The following CSMD1 variants were observed in gnomAD, a reference collection of about 807,000 sequenced individuals.
CSMD1 encodes CUB and Sushi multiple domains 1.
CSMD1 carries 213 observed loss-of-function variants against 417.5 expected under a neutral mutation model. That is an observed-to-expected ratio of 0.51 (90% CI 0.46 to 0.57). CSMD1 has a LOEUF of 0.57. Among genes scored for constraint, CSMD1 ranks in the 20% least tolerant of loss-of-function variants. CSMD1 has a pLI of 0.00. For synonymous variants in CSMD1, 2,862 were observed against 1,736.8 expected, an observed-to-expected ratio of 1.65 and a Z score of -16.11; for missense variants, 6,923 against 4,529.7, an observed-to-expected ratio of 1.53 and a Z score of -15.17.
intron 10 of CSMD1, among the ~76,000 whole-genome samples, chr8:3,506,994 T>C (rs1319373946): frequency 6.6e-6 from 1 of 152,222 alleles, no homozygotes; most frequent in Non-Finnish European, 1.5e-5. Flanking sequence ...GAGTTTCTAA[T>C]ATACATTTTC....
Position 3,223,798 on chromosome 8 carries a change from G to T in CSMD1, c.4415C>A (p.Pro1472His). The change falls in exon 28 of 70, where the codon CCT becomes CAT. Residue 1472 changes from proline (P) to histidine (H), a missense_variant. By Grantham distance (77) the Pro-to-His change is moderately conservative. Coordinates refer to ENST00000635120, the MANE Select transcript of CSMD1 (RefSeq NM_033225.6). ...ILSPNYPQPY[P>H]PGKECDWRVK... ...TCTCCAGTCACATTCCTTCCCAGGAGGATACGGCTGTGGGTAGTTGGGTGA... is the reference window on the plus strand; with the variant it reads ...TCTCCAGTCACATTCCTTCCCAGGATGATACGGCTGTGGGTAGTTGGGTGA... 3 of 1,613,908 alleles carry T rather than the reference G, an allele frequency of 1.9e-6. No homozygotes were observed. The highest frequency in any genetic ancestry group is 2.5e-6 in the Non-Finnish European group (3 of 1,179,832).
intron 50 of CSMD1, among the ~76,000 whole-genome samples, chr8:3,031,940 T>C (rs982177289): frequency 1.3e-5 from 2 of 150,248 alleles, no homozygotes; most frequent in African/African-American, 4.9e-5. Context: ...GTATAGTGAC[T>C]GACAAATTAG....
chr8:3,814,979 G>A (rs148045479), intron 5 of CSMD1, among the ~76,000 whole-genome samples: 58 of 152,260 alleles, frequency 3.8e-4, no homozygotes, highest in African/African-American at 1.3e-3. Flanking sequence ...ACAATCATCT[G>A]CATAATAATT....
At chr8:3,136,726 G>A (rs1818121430) in intron 41 of CSMD1, among the ~76,000 whole-genome samples, 1 of 152,054 alleles carries the variant, frequency 6.6e-6, no homozygotes, top group African/African-American at 2.4e-5. Context: ...GGTAATCCTT[G>A]GGGTCATGTT....
chr8:4,130,360 G>T (rs529284975), intron 3 of CSMD1, among the ~76,000 whole-genome samples: 2 of 152,102 alleles, frequency 1.3e-5, no homozygotes, highest in Non-Finnish European at 2.9e-5. Context: ...AATGGAAGTG[G>T]AATTTGATCC....
intron 5 of CSMD1, among the ~76,000 whole-genome samples, chr8:3,839,083 T>C (rs1563132697): frequency 1.7e-5 from 2 of 119,618 alleles, no homozygotes; most frequent in African/African-American, 6.1e-5. Context: ...GCCTAGGCTA[T>C]ATATAATATA....
intron 6 of CSMD1, among the ~76,000 whole-genome samples, chr8:3,724,204 T>C (rs1290255844): frequency 6.7e-6 from 1 of 149,718 alleles, no homozygotes; most frequent in African/African-American, 2.5e-5. Flanking sequence ...ACTTTTTTTT[T>C]TTTATTATTA....
At chr8:4,020,597 G>A (rs561316202) in intron 4 of CSMD1, among the ~76,000 whole-genome samples, 1 of 152,086 alleles carries the variant, frequency 6.6e-6, no homozygotes, top group Admixed American at 6.6e-5. Context: ...ATTCTCTTAT[G>A]GTAAGAGATC....
intron 1 of CSMD1, among the ~76,000 whole-genome samples, chr8:4,810,920 G>A (rs1027837616): frequency 2.0e-5 from 3 of 152,138 alleles, no homozygotes; most frequent in Admixed American, 2.0e-4. Context: ...TACCTCTCCT[G>A]AAATATGAGA....
chr8:4,692,014 G>T (rs1806798613), intron 1 of CSMD1, among the ~76,000 whole-genome samples: 1 of 152,182 alleles, frequency 6.6e-6, no homozygotes, highest in Non-Finnish European at 1.5e-5. Flanking sequence ...CTCTTGTACA[G>T]CAGAGCTCAG....
intron 5 of CSMD1, among the ~76,000 whole-genome samples, chr8:3,791,686 G>A (rs571698453): frequency 6.6e-6 from 1 of 152,128 alleles, no homozygotes; most frequent in African/African-American, 2.4e-5. Context: ...AGCTGGGCAC[G>A]ATGGTGGGTA....
intron 8 of CSMD1, among the ~76,000 whole-genome samples, chr8:3,603,618 G>A (rs1367426765): frequency 1.3e-5 from 2 of 152,142 alleles, no homozygotes. Context: ...ACATGGAATG[G>A]AAACGGATTA....
At chr8:4,256,798 A>G (rs1803488837) in intron 3 of CSMD1, among the ~76,000 whole-genome samples, 1 of 152,190 alleles carries the variant, frequency 6.6e-6, no homozygotes, top group African/African-American at 2.4e-5. Context: ...CCAAGCAGTC[A>G]GGGCCTGGCA....
At chr8:4,556,142 T>C (rs964752739) in intron 2 of CSMD1, among the ~76,000 whole-genome samples, 7 of 152,222 alleles carry the variant, frequency 4.6e-5, no homozygotes, top group Admixed American at 1.3e-4. Context: ...TTAATAAGTA[T>C]GCTATGCATA....
At chr8:4,894,469 C>G (rs1367978331) in intron 1 of CSMD1, among the ~76,000 whole-genome samples, 1 of 151,450 alleles carries the variant, frequency 6.6e-6, no homozygotes, top group Non-Finnish European at 1.5e-5. Flanking sequence ...AGGAGAATCA[C>G]TTGAACCCGG....
At chr8:4,621,096 A>G (rs1210149170) in intron 2 of CSMD1, among the ~76,000 whole-genome samples, 1 of 152,012 alleles carries the variant, frequency 6.6e-6, no homozygotes, top group Non-Finnish European at 1.5e-5. Flanking sequence ...GCAGCTGAGT[A>G]TTTCTTATCT....
chr8:4,323,089 G>C (rs1288328854), intron 3 of CSMD1, among the ~76,000 whole-genome samples: 1 of 152,056 alleles, frequency 6.6e-6, no homozygotes, highest in Non-Finnish European at 1.5e-5. Context: ...CGAAGGAATG[G>C]AAAAATCATA....
At chr8:3,448,387 G>C in intron 12 of CSMD1, among the ~76,000 whole-genome samples, 1 of 115,942 alleles carries the variant, frequency 8.6e-6, no homozygotes, top group Admixed American at 8.4e-5. Context: ...GGGGGAGGAG[G>C]GAGGAGGAAG....
intron 5 of CSMD1, among the ~76,000 whole-genome samples, chr8:3,990,575 A>G (rs1280233252): frequency 1.3e-5 from 2 of 152,228 alleles, no homozygotes; most frequent in Non-Finnish European, 2.9e-5. Context: ...AAAGTGTCCC[A>G]AATTTCAAAT....
Sources: gnomAD v4.1 joint callset for allele counts (sites outside exome capture counted in the v4.1 genomes callset) on GRCh38, gnomAD v4.1.1 for gene constraint, MANE v1.5 for transcripts, NCBI Gene and HGNC (gene_info 2026-07-23, HGNC 2026-07-21) for gene names.